HDAC9: variants seen among roughly 807,000 people sequenced by gnomAD.
HDAC9 encodes histone deacetylase 9.
A neutral mutation model predicts 139.4 loss-of-function variants in HDAC9; 41 were observed. That is an observed-to-expected ratio of 0.29 (90% CI 0.23 to 0.38). HDAC9 has a LOEUF of 0.38. Among genes scored for constraint, HDAC9 ranks in the 10% least tolerant of loss-of-function variants. The pLI, the probability that HDAC9 is intolerant of heterozygous loss-of-function variation, is 1.00. For missense variants in HDAC9, 1,147 were observed against 1,297.0 expected (o/e 0.88, Z 1.78); for synonymous variants, 517 against 476.2 (o/e 1.09, Z -1.12).
chr7:18,534,183 G>A (rs542248265), intron 2 of HDAC9, among the ~76,000 whole-genome samples: 1 of 152,280 alleles, frequency 6.6e-6, no homozygotes, highest in East Asian at 1.9e-4. Flanking sequence ...AGCATAGAGG[G>A]GTTCTGGTAT....
rs1177289619 is a variant in HDAC9 at position 18,561,139 on chromosome 7, T to C, written c.23-24142T>C. Reference sequence around the variant, plus strand: ...GAAGAAATAGAAAGATCCATTGCCTTGATTAAAAGAAGTCAGTTATTTGTG... The same window carrying C: ...GAAGAAATAGAAAGATCCATTGCCTCGATTAAAAGAAGTCAGTTATTTGTG... On this transcript the variant is annotated intron_variant, in intron 2 of 25. Transcript: ENST00000686413. Among the ~76,000 whole-genome samples the C allele has an allele frequency of 2.6e-5, 4 of 152,212 alleles. 1 individual carries two copies. The highest frequency in any genetic ancestry group is 7.2e-5 in the African/African-American group (3 of 41,454).
intron 12 of HDAC9, among the ~76,000 whole-genome samples, chr7:18,716,917 C>T (rs1214972542): frequency 6.7e-6 from 1 of 149,764 alleles, no homozygotes; most frequent in African/African-American, 2.4e-5. Flanking sequence ...TTATAAGTCA[C>T]ATTATTGTTT....
chr7:18,664,643 C>T (rs1584765145), intron 11 of HDAC9, among the ~76,000 whole-genome samples: 1 of 152,036 alleles, frequency 6.6e-6, no homozygotes. Context: ...GCTTCCCACC[C>T]CTCACACATG....
chr7:18,383,874 G>A (rs2128716442), intron 1 of HDAC9, among the ~76,000 whole-genome samples: 1 of 149,676 alleles, frequency 6.7e-6, no homozygotes, highest in South Asian at 2.1e-4. Context: ...GGGTGACAGA[G>A]CGAGACTCTG....
chr7:18,822,417 C>T (rs58184650), intron 17 of HDAC9, among the ~76,000 whole-genome samples: 2,764 of 152,216 alleles, frequency 0.018, 143 homozygotes, highest in East Asian at 0.12. Flanking sequence ...TGCAATGGGG[C>T]GATCACAGCT....
chr7:18,256,871 T>C (rs955771484), intron 2 of HDAC9, among the ~76,000 whole-genome samples: 2 of 152,046 alleles, frequency 1.3e-5, no homozygotes, highest in Admixed American at 6.5e-5. Context: ...GGGGATTGCT[T>C]GAGCCCGAGA....
chr7:18,992,301 T>C (rs1021209300), intron 25 of HDAC9, among the ~76,000 whole-genome samples: 6 of 152,200 alleles, frequency 3.9e-5, no homozygotes, highest in Non-Finnish European at 8.8e-5. Flanking sequence ...ATGCACTGTA[T>C]GGAGATGCCA....
intron 16 of HDAC9, among the ~76,000 whole-genome samples, chr7:18,782,716 A>G (rs1352193271): frequency 6.6e-6 from 1 of 150,652 alleles, no homozygotes; most frequent in Non-Finnish European, 1.5e-5. Flanking sequence ...TTTTTTTCTT[A>G]GTTACCATTG....
chr7:18,693,105 G>T (rs1431460583), intron 12 of HDAC9, among the ~76,000 whole-genome samples: 1 of 151,434 alleles, frequency 6.6e-6, no homozygotes, highest in Non-Finnish European at 1.5e-5. Flanking sequence ...ACTTTAAAAA[G>T]AAAAAAATTT....
intron 1 of HDAC9, among the ~76,000 whole-genome samples, chr7:18,420,883 C>T (rs1476807438): frequency 1.3e-5 from 2 of 152,164 alleles, no homozygotes; most frequent in African/African-American, 2.4e-5. Context: ...CAAGGACTAG[C>T]GTGTAAGCTG....
chr7:18,296,670 A>G (rs2128227509), intron 1 of HDAC9, among the ~76,000 whole-genome samples: 1 of 152,306 alleles, frequency 6.6e-6, no homozygotes, highest in East Asian at 1.9e-4. Context: ...ATGGATTGGA[A>G]AGGAGAGCCA....
chr7:18,544,916 C>G (rs1433317781), intron 2 of HDAC9, among the ~76,000 whole-genome samples: 1 of 152,202 alleles, frequency 6.6e-6, no homozygotes, highest in Non-Finnish European at 1.5e-5. Context: ...TGATTTTGCC[C>G]TCCAGGAAAC....
intron 1 of HDAC9, among the ~76,000 whole-genome samples, chr7:18,432,950 TAAA>T (rs371784284): frequency 4.6e-5 from 6 of 130,854 alleles, no homozygotes; most frequent in Admixed American, 7.8e-5. Flanking sequence ...GACTCTGTCT[TAAA>T]AAAAAAAAAA....
At chr7:18,201,947 A>C (rs1427567671) in intron 2 of HDAC9, among the ~76,000 whole-genome samples, 2 of 152,198 alleles carry the variant, frequency 1.3e-5, no homozygotes, top group Admixed American at 6.5e-5. Flanking sequence ...CGTGCTCAGA[A>C]TACTTCCCAG....
At chr7:18,720,519 A>G (rs1785060520) in intron 12 of HDAC9, among the ~76,000 whole-genome samples, 1 of 151,672 alleles carries the variant, frequency 6.6e-6, no homozygotes, top group Non-Finnish European at 1.5e-5. Context: ...AATTATACAT[A>G]TTACTGTGTT....
At chr7:18,517,980 A>C (rs1355958708) in intron 2 of HDAC9, 1 of 152,182 alleles carries the variant, frequency 6.6e-6, no homozygotes, top group African/African-American at 2.4e-5. Context: ...TTTCACTCAC[A>C]TGCTCACACT....
intron 2 of HDAC9, among the ~76,000 whole-genome samples, chr7:18,270,000 C>T (rs747445978): frequency 2.0e-5 from 3 of 152,070 alleles, no homozygotes; most frequent in Non-Finnish European, 4.4e-5. Context: ...CTGGATAATT[C>T]TTTGTTGTAG....
chr7:18,458,909 C>A, intron 1 of HDAC9: 3 of 1,526,266 alleles, frequency 2.0e-6, no homozygotes, highest in South Asian at 1.2e-5. Context: ...CAGGTAGAAC[C>A]AGACCTTATC....
intron 1 of HDAC9, among the ~76,000 whole-genome samples, chr7:18,376,628 A>G (rs550448280): frequency 1.3e-5 from 2 of 152,272 alleles, no homozygotes; most frequent in East Asian, 3.9e-4. Flanking sequence ...TAAAACTAAC[A>G]TGAGCCTCCC....
Sources: allele counts gnomAD v4.1 joint callset (sites outside exome capture counted in the v4.1 genomes callset), GRCh38; gene constraint gnomAD v4.1.1; transcripts MANE v1.5; gene names NCBI Gene and HGNC (gene_info 2026-07-23, HGNC 2026-07-21).